Variants in HIF1AN observed in about 807,000 individuals in gnomAD.
HIF1AN encodes hypoxia-inducible factor 1-alpha inhibitor.
In HIF1AN, 21 loss-of-function variants were observed where a neutral mutation model predicts 47.7. The ratio of observed to expected loss-of-function variants is 0.44; its 90% CI spans 0.31 to 0.63. HIF1AN has a LOEUF of 0.63. HIF1AN is among the 30% of genes least tolerant of loss of function. HIF1AN has a pLI of 0.07. For synonymous variants in HIF1AN, 152 were observed against 155.9 expected (o/e 0.98, Z 0.18); for missense variants, 320 against 432.7 (o/e 0.74, Z 2.31).
At position 100,554,584 on chromosome 10, in the gene HIF1AN, T is replaced by A. The variant is rs1843198337; in HGVS notation, c.*6447T>A. On this transcript the variant is annotated 3_prime_UTR_variant, in exon 8 of 8. Transcript: ENST00000299163. Reference sequence around the variant, plus strand: ...ACTTTGGGAGGCTGAGGTGGGTGGATCACCTGAGGTCAGGAGTTTGAGACT... The same window carrying A: ...ACTTTGGGAGGCTGAGGTGGGTGGAACACCTGAGGTCAGGAGTTTGAGACT... 1 of 152,038 alleles carries A rather than the reference T, an allele frequency of 6.6e-6. No homozygotes were observed. Among genetic ancestry groups the A allele is most frequent in the Admixed American group, 6.6e-5 (1 of 15,258 alleles). The allele number at this position is 152,038 out of a possible 1,614,324, so 9.4% of individuals were successfully genotyped here.
Position 100,536,402 on chromosome 10 carries a change from T to G in HIF1AN, c.178-9T>G. ...CATTTGGTGTTTTTCACCTGTTGTTTTCATTTAGGAGCCTGTGGTGCTGAC... is the reference window on the plus strand; with the variant it reads ...CATTTGGTGTTTTTCACCTGTTGTTGTCATTTAGGAGCCTGTGGTGCTGAC... On this transcript the variant is annotated splice_polypyrimidine_tract_variant and intron_variant, in intron 1 of 7. Transcript: ENST00000299163. The G allele has an allele frequency of 6.2e-7, 1 of 1,611,862 alleles. No individual in the cohort carries two copies. Among genetic ancestry groups the G allele is most frequent in the Non-Finnish European group, 8.5e-7 (1 of 1,178,462 alleles).
At chr10:100,536,981 A>G (rs1480845376) in intron 2 of HIF1AN, among the ~76,000 whole-genome samples, 2 of 152,168 alleles carry the variant, frequency 1.3e-5, no homozygotes, top group African/African-American at 4.8e-5. Flanking sequence ...GGAAGGAGTA[A>G]TATCGTCTGT....
chr10:100,536,110 G>C lies in HIF1AN; in HGVS notation c.152G>C (p.Arg51Pro). The change falls in exon 1 of 8, where the codon CGG becomes CCG. Residue 51 changes from arginine (R) to proline (P), a missense_variant. Around this residue, in one of 2 missense-constraint regions of HIF1AN, gnomAD observed 159 missense variants for 159.9 expected, o/e 0.99. Coordinates refer to ENST00000299163, the MANE Select transcript of HIF1AN (RefSeq NM_017902.3). ...CCGCGTCTGAGTCAGAGCGACCCCC[G>C]GGCAGAGGAGCTTATTGAGAATGAG... ...PIPRLSQSDP[R>P]AEELIENEEP... The C allele has an allele frequency of 3.1e-6, 5 of 1,604,936 alleles. No homozygotes were observed. The highest frequency in any genetic ancestry group is 4.3e-6 in the Non-Finnish European group (5 of 1,175,944).
Position 100,548,907 on chromosome 10 carries a change from C to T in HIF1AN, c.*770C>T, listed in dbSNP as rs1429364706. 6.6e-6 allele frequency: 1 copy of T among 152,474 alleles called. No homozygotes were observed. Among genetic ancestry groups the T allele is most frequent in the Non-Finnish European group, 1.5e-5 (1 of 68,024 alleles). The allele number at this position is 152,474 out of a possible 1,614,324, so 9.4% of individuals were successfully genotyped here. On this transcript the variant is annotated 3_prime_UTR_variant, in exon 8 of 8. Coordinates refer to ENST00000299163, the MANE Select transcript of HIF1AN (RefSeq NM_017902.3). The stretch of plus-strand genomic sequence containing the variant: ...ACATATAGTTTCTCTCTTTCAGCAC[C>T]AGCTCTTGCCCCTATGCTGGGTACC...
At chr10:100,540,051 C>T (rs1268042127) in intron 2 of HIF1AN, among the ~76,000 whole-genome samples, 1 of 152,048 alleles carries the variant, frequency 6.6e-6, no homozygotes, top group Admixed American at 6.5e-5. Context: ...TCTTGTCACC[C>T]AGGCTGGAGT....
At chr10:100,547,095 C>A in intron 6 of HIF1AN, 45 bp from the exon 7 acceptor site, 3 of 1,358,196 alleles carry the variant, frequency 2.2e-6, no homozygotes, top group Non-Finnish European at 3.1e-6. Context: ...GTGACACTGA[C>A]GCCTGCTGCT....
Position 100,548,071 on chromosome 10 carries a change from G to A in HIF1AN, c.1006-22G>A, listed in dbSNP as rs559648889. Reference sequence around the variant, plus strand: ...GGCCAGGGAACAGCCAGTTCTGATTGGCTCCTCATGTTTCTTTACAGGTGG... The same window carrying A: ...GGCCAGGGAACAGCCAGTTCTGATTAGCTCCTCATGTTTCTTTACAGGTGG... On this transcript the variant is annotated intron_variant, in intron 7 of 7. Coordinates refer to ENST00000299163, the MANE Select transcript of HIF1AN (RefSeq NM_017902.3). 16 of 1,613,560 alleles carry A rather than the reference G, an allele frequency of 9.9e-6. No homozygotes were observed. The South Asian group carries it at 1.8e-4, about 18-fold the overall frequency.
intron 3 of HIF1AN, among the ~76,000 whole-genome samples, chr10:100,544,646 C>T (rs1489873980): frequency 6.6e-6 from 1 of 152,182 alleles, no homozygotes; most frequent in Non-Finnish European, 1.5e-5. Context: ...ATTACCCTAC[C>T]TGATTTTTGA....
At chr10:100,538,247 C>G (rs1398805415) in intron 2 of HIF1AN, among the ~76,000 whole-genome samples, 1 of 152,176 alleles carries the variant, frequency 6.6e-6, no homozygotes, top group Admixed American at 6.5e-5. Context: ...ACCCTATCAG[C>G]TGACTTTAGC....
chr10:100,540,601 G>A (rs1446849081), intron 2 of HIF1AN, 33 bp from the exon 3 acceptor site: 1 of 1,612,086 alleles, frequency 6.2e-7, no homozygotes. Context: ...GTGTGTGCAT[G>A]CACTAATAGG....
intron 4 of HIF1AN, 120 bp from the exon 5 acceptor site, chr10:100,545,823 T>C (rs1843087848): frequency 1.3e-5 from 9 of 688,380 alleles, no homozygotes; most frequent in Middle Eastern, 3.8e-4. Context: ...AAATACTTTT[T>C]TTAAGGCATC....
chr10:100,548,737 G>A lies in HIF1AN; in HGVS notation c.*600G>A, dbSNP rs977658451. 4.6e-5 allele frequency: 7 copies of A among 152,796 alleles called. No homozygotes were observed. The highest frequency in any genetic ancestry group is 1.7e-4 in the African/African-American group (7 of 41,444). 9.5% of individuals were successfully genotyped at this position (152,796 alleles called of 1,614,324 possible). A position where few individuals can be genotyped will look rare whatever the true frequency, so the allele number is the denominator to read the frequency against. On this transcript the variant is annotated 3_prime_UTR_variant, in exon 8 of 8. Transcript: ENST00000299163. ...GGACTCTAATGGGGTGAAAGAGAGG[G>A]GAGGCTTGCCTTTGAGAGCCTATAT...
At chr10:100,546,357 G>GT (rs1023902501) in intron 5 of HIF1AN, among the ~76,000 whole-genome samples, 161 bp from the exon 6 acceptor site, 3 of 152,080 alleles carry the variant, frequency 2.0e-5, no homozygotes, top group Admixed American at 6.5e-5. Flanking sequence ...CCAAGTGTGT[G>GT]TTTTTTTCAC....
At chr10:100,547,331 T>A in intron 7 of HIF1AN, 81 bp downstream of exon 7, 1 of 814,308 alleles carries the variant, frequency 1.2e-6, no homozygotes. Flanking sequence ...TTACAGCTTC[T>A]GTGTTTCAGT....
Position 100,557,704 on chromosome 10 carries a change from A to G in HIF1AN, c.*9567A>G, listed in dbSNP as rs1183037179. On this transcript the variant is annotated 3_prime_UTR_variant, in exon 8 of 8. Transcript: ENST00000299163. Reference sequence around the variant, plus strand: ...GGTGATCTGCCTGCCTTGGCCTCCCAAAGTGCTGGGATTACAGGTGCGAGC... The same window carrying G: ...GGTGATCTGCCTGCCTTGGCCTCCCGAAGTGCTGGGATTACAGGTGCGAGC... 2 of 152,228 alleles carry G rather than the reference A, an allele frequency of 1.3e-5. No individual in the cohort carries two copies. The highest frequency in any genetic ancestry group is 4.8e-5 in the African/African-American group (2 of 41,438). 9.4% of individuals were successfully genotyped at this position (152,228 alleles called of 1,614,324 possible).
Position 100,551,097 on chromosome 10 carries a change from A to G in HIF1AN, c.*2960A>G, listed in dbSNP as rs1843153799. ...GGTACAGAGAAAACTAGTGTTTTGTAAAGTCAAATATTTGTTGGGGGTTGG... is the reference window on the plus strand; with the variant it reads ...GGTACAGAGAAAACTAGTGTTTTGTGAAGTCAAATATTTGTTGGGGGTTGG... On this transcript the variant is annotated 3_prime_UTR_variant, in exon 8 of 8. Coordinates refer to ENST00000299163, the MANE Select transcript of HIF1AN (RefSeq NM_017902.3). 6.6e-6 allele frequency: 1 copy of G among 152,260 alleles called. No individual in the cohort carries two copies. The highest frequency in any genetic ancestry group is 1.9e-4 in the East Asian group (1 of 5,198). 9.4% of individuals were successfully genotyped at this position (152,260 alleles called of 1,614,324 possible).
rs1024014114 is a variant in HIF1AN at position 100,550,632 on chromosome 10, T to G, written c.*2495T>G. Reference sequence around the variant, plus strand: ...ATATACAGCTCAGGGTGAAAGTTCTTCTGGGCTCCTGCTAACAAAGTCTTG... The same window carrying G: ...ATATACAGCTCAGGGTGAAAGTTCTGCTGGGCTCCTGCTAACAAAGTCTTG... On this transcript the variant is annotated 3_prime_UTR_variant, in exon 8 of 8. Transcript: ENST00000299163. The G allele has an allele frequency of 6.6e-6, 1 of 152,224 alleles. No homozygotes were observed. Among genetic ancestry groups the G allele is most frequent in the Non-Finnish European group, 1.5e-5 (1 of 68,056 alleles). 9.4% of individuals were successfully genotyped at this position (152,224 alleles called of 1,614,324 possible).
intron 2 of HIF1AN, among the ~76,000 whole-genome samples, chr10:100,538,326 A>G (rs924006248): frequency 6.6e-6 from 1 of 152,196 alleles, no homozygotes; most frequent in Non-Finnish European, 1.5e-5. Context: ...ATGGGGTGAA[A>G]TGTATTAGGA....
At chr10:100,536,252 G>T in intron 1 of HIF1AN, 117 bp downstream of exon 1, 1 of 1,298,822 alleles carries the variant, frequency 7.7e-7, no homozygotes. Context: ...CCTATGGGAA[G>T]ATGGAGAGAA....
Sources: gnomAD v4.1 joint callset for allele counts (sites outside exome capture counted in the v4.1 genomes callset) on GRCh38, gnomAD v4.1.1 for gene constraint, gnomAD v4.1.1 regional missense constraint, MANE v1.5 for transcripts, NCBI Gene and HGNC (gene_info 2026-07-23, HGNC 2026-07-21) for gene names.